SOS2: variants seen among roughly 807,000 people sequenced by gnomAD.
SOS2 encodes the protein son of sevenless homolog 2.
SOS2 carries 65 observed loss-of-function variants against 148.2 expected under a neutral mutation model. The ratio of observed to expected loss-of-function variants is 0.44; its 90% CI spans 0.36 to 0.54. The LOEUF (loss-of-function observed/expected upper bound fraction) is 0.54, where lower values mean the gene tolerates loss of function less well. Among genes scored for constraint, SOS2 ranks in the 20% least tolerant of loss-of-function variants. The probability of loss-of-function intolerance (pLI) is 0.00; values close to 1 mark genes in which losing one functional copy is unlikely to be tolerated. For missense variants in SOS2, 1,341 were observed against 1,590.2 expected (o/e 0.84, Z 2.67); for synonymous variants, 539 against 537.1 (o/e 1.00, Z -0.05).
chr14:50,175,744 A>C (rs1885502577), intron 7 of SOS2, among the ~76,000 whole-genome samples: 1 of 152,172 alleles, frequency 6.6e-6, no homozygotes, highest in Non-Finnish European at 1.5e-5. Flanking sequence ...ATGTCTATAT[A>C]GTTCACTTAC....
rs984576227 is a variant in SOS2 at position 50,180,817 on chromosome 14, C to T, written c.859-135G>A. On this transcript the variant is annotated intron_variant, in intron 6 of 22. Transcript: ENST00000216373. ...ATGATTGTGCCACTATATTCCAGCTCGAGCAACAGAGTGAAACCCTGTCTC... is the reference window on the plus strand; with the variant it reads ...ATGATTGTGCCACTATATTCCAGCTTGAGCAACAGAGTGAAACCCTGTCTC... 2.5e-5 allele frequency: 12 copies of T among 486,704 alleles called. 1 individual carries two copies. In the Middle Eastern group the frequency reaches 1.6e-3, roughly 63 times the overall value. 30.1% of individuals were successfully genotyped at this position (486,704 alleles called of 1,614,324 possible).
intron 1 of SOS2, among the ~76,000 whole-genome samples, chr14:50,207,841 C>T (rs564528525): frequency 2.0e-5 from 3 of 147,952 alleles, no homozygotes; most frequent in South Asian, 2.1e-4. Flanking sequence ...GGGAGACAGA[C>T]GCTGCCGTGA....
chr14:50,143,678 G>A (rs1334214738), intron 16 of SOS2, among the ~76,000 whole-genome samples: 1 of 152,108 alleles, frequency 6.6e-6, no homozygotes, highest in African/African-American at 2.4e-5. Context: ...CTGACCTCAG[G>A]TGATCCACCC....
At chr14:50,160,212 T>C in intron 9 of SOS2, 126 bp from the exon 10 acceptor site, 1 of 694,702 alleles carries the variant, frequency 1.4e-6, no homozygotes, top group Non-Finnish European at 2.4e-6. Flanking sequence ...GCACAGCATT[T>C]AGTTCTAACT....
In SOS2 at chr14:50,146,241, C is replaced by T. The variant is rs149057088; in HGVS notation, c.2385-645G>A. ...AATAGGGAAGTAAAAATTGATACAA[C>T]CATTTTGTAAAACAATTTGGCAAGA... On this transcript the variant is annotated intron_variant, in intron 14 of 22. Transcript: ENST00000216373. 3.3e-3 allele frequency among the ~76,000 whole-genome samples: 495 copies of T among 151,810 alleles called. 2 individuals are homozygous for T. Among genetic ancestry groups the T allele is most frequent in the Non-Finnish European group, 5.7e-3 (387 of 67,930 alleles).
In SOS2 at chr14:50,158,619, G is replaced by C; in HGVS notation, c.1880C>G (p.Thr627Ser). 6.2e-7 allele frequency: 1 copy of C among 1,608,616 alleles called. No individual in the cohort carries two copies. Residue 627 changes from threonine to serine, a missense_variant, in exon 11 of 23, where the codon ACC becomes AGC. Thr to Ser is a moderately conservative substitution (Grantham distance 58, BLOSUM62 1). Around this residue, in one of 4 missense-constraint regions of SOS2, gnomAD observed 408 missense variants for 506.6 expected, o/e 0.81. Coordinates refer to ENST00000216373, the MANE Select transcript of SOS2 (RefSeq NM_006939.4). The stretch of plus-strand genomic sequence containing the variant: ...TGGTTTACAAAATGAACGATATGTG[G>C]TAAGAAAAGTACGAACAAAATTGGG... Reference protein sequence around the residue: ...ADPNFVRTFLTTYRSFCKPQE... With the variant: ...ADPNFVRTFLSTYRSFCKPQE...
intron 1 of SOS2, among the ~76,000 whole-genome samples, chr14:50,210,547 T>C (rs1429362959): frequency 6.6e-6 from 1 of 152,142 alleles, no homozygotes; most frequent in African/African-American, 2.4e-5. Context: ...AAACTTTATA[T>C]TAAACTTTAA....
At chr14:50,133,348 C>A (rs181870400) in intron 19 of SOS2, among the ~76,000 whole-genome samples, 2 of 145,840 alleles carry the variant, frequency 1.4e-5, no homozygotes, top group Non-Finnish European at 3.0e-5. Context: ...CAGGCGTGCA[C>A]CACCATGCCT....
At chr14:50,177,215 G>A (rs1885551757) in intron 7 of SOS2, among the ~76,000 whole-genome samples, 1 of 152,062 alleles carries the variant, frequency 6.6e-6, no homozygotes, top group Non-Finnish European at 1.5e-5. Flanking sequence ...AGTCACTCAA[G>A]AGGCTAAGGC....
chr14:50,140,097 A>G (rs543949172), intron 16 of SOS2, 38 bp from the exon 17 acceptor site: 20 of 972,690 alleles, frequency 2.1e-5, no homozygotes, highest in Non-Finnish European at 3.2e-5. Context: ...ATTTTTTACA[A>G]TTCAATCATA....
intron 7 of SOS2, among the ~76,000 whole-genome samples, chr14:50,180,015 TA>T (rs373427993): frequency 0.021 from 3,136 of 151,034 alleles, 76 homozygotes; most frequent in Non-Finnish European, 0.026. Flanking sequence ...TTTTTCTATT[TA>T]TTTTTTGAGA....
chr14:50,175,844 A>C (rs1008423071), intron 7 of SOS2, among the ~76,000 whole-genome samples: 3 of 152,288 alleles, frequency 2.0e-5, no homozygotes, highest in Admixed American at 6.5e-5. Flanking sequence ...AATCTTCATA[A>C]ATATTACCAT....
intron 21 of SOS2, among the ~76,000 whole-genome samples, chr14:50,127,424 G>A (rs912756874): frequency 3.3e-5 from 5 of 152,138 alleles, no homozygotes; most frequent in Admixed American, 6.5e-5. Flanking sequence ...TTACAGTCGT[G>A]AGCCACCGCG....
intron 1 of SOS2, among the ~76,000 whole-genome samples, chr14:50,204,758 C>T (rs542281773): frequency 5.9e-5 from 9 of 152,220 alleles, no homozygotes; most frequent in Admixed American, 5.9e-4. Context: ...GTCATGAATC[C>T]CAGTAATAAA....
chr14:50,214,326 T>A (rs1481720795), intron 1 of SOS2, among the ~76,000 whole-genome samples: 2 of 151,178 alleles, frequency 1.3e-5, no homozygotes, highest in South Asian at 4.2e-4. Flanking sequence ...AAAAAAAAAA[T>A]CAGGCTTTCT....
chr14:50,135,089 A>AAAAGAAAGAAAGAAAG lies in SOS2; in HGVS notation c.2959-866_2959-851dup, dbSNP rs536084984. Among the ~76,000 whole-genome samples, 60 of 131,554 alleles carry AAAAGAAAGAAAGAAAG rather than the reference A, an allele frequency of 4.6e-4. 1 individual carries two copies. The highest frequency in any genetic ancestry group is 7.9e-4 in the Non-Finnish European group (50 of 62,974). 86.3% of individuals were successfully genotyped at this position (131,554 alleles called of 152,430 possible). On this transcript the variant is annotated intron_variant, in intron 18 of 22. Coordinates refer to ENST00000216373, the MANE Select transcript of SOS2 (RefSeq NM_006939.4). ...ACTGTCTCAAAAAAAAAAAAAAAAA[A>AAAAGAAAGAAAGAAAG]AAAGAAAGAAAGAAAGAAAGAAAGA... is the stretch of plus-strand genomic sequence containing the variant.
chr14:50,191,554 CCTCCT>C (rs1886139704), intron 4 of SOS2, among the ~76,000 whole-genome samples: 1 of 152,124 alleles, frequency 6.6e-6, no homozygotes, highest in African/African-American at 2.4e-5. Context: ...GTCAGTGGGG[CCTCCT>C]CTATGACTTA....
At chr14:50,202,222 C>T (rs1304891449) in intron 2 of SOS2, among the ~76,000 whole-genome samples, 1 of 152,170 alleles carries the variant, frequency 6.6e-6, no homozygotes, top group South Asian at 2.1e-4. Context: ...CCTCAACTTC[C>T]CAAAGTGCTG....
chr14:50,190,015 AT>A (rs796242126), intron 4 of SOS2, among the ~76,000 whole-genome samples: 99 of 149,738 alleles, frequency 6.6e-4, no homozygotes, highest in Middle Eastern at 6.8e-3. Context: ...TGCCTGGCTA[AT>A]TTTTTTTTGT....
Sources: gnomAD v4.1 joint callset for allele counts (sites outside exome capture counted in the v4.1 genomes callset) on GRCh38, gnomAD v4.1.1 for gene constraint, gnomAD v4.1.1 regional missense constraint, MANE v1.5 for transcripts, NCBI Gene and HGNC (gene_info 2026-07-23, HGNC 2026-07-21) for gene names.